The following MLLT10 variants were observed in gnomAD, a reference collection of about 807,000 sequenced individuals.
MLLT10 encodes the protein protein AF-10.
MLLT10 carries 30 observed loss-of-function variants against 129.1 expected under a neutral mutation model. That is an observed-to-expected ratio of 0.23 (90% CI 0.17 to 0.32). MLLT10 has a LOEUF of 0.32. MLLT10 is among the 10% of genes least tolerant of loss of function. The probability of loss-of-function intolerance (pLI) is 1.00; values close to 1 mark genes in which losing one functional copy is unlikely to be tolerated. For missense variants in MLLT10, 1,119 were observed against 1,268.3 expected (o/e 0.88, Z 1.79); for synonymous variants, 490 against 446.4 (o/e 1.10, Z -1.23).
intron 4 of MLLT10, among the ~76,000 whole-genome samples, chr10:21,594,713 T>C (rs1374765313): frequency 6.8e-6 from 1 of 147,628 alleles, no homozygotes; most frequent in Non-Finnish European, 1.5e-5. Flanking sequence ...ATCAGCTCTT[T>C]AATACCTTCA....
At chr10:21,642,447 A>G (rs2048101081) in intron 8 of MLLT10, among the ~76,000 whole-genome samples, 1 of 152,192 alleles carries the variant, frequency 6.6e-6, no homozygotes, top group East Asian at 1.9e-4. Flanking sequence ...ACCTGTGGTC[A>G]GGAGTTTAAG....
intron 3 of MLLT10, chr10:21,557,948 C>CTTTTTTTTTTTTTTTTTT (rs945740582): frequency 3.8e-5 from 4 of 104,456 alleles, no homozygotes; most frequent in African/African-American, 7.2e-5. Flanking sequence ...TTTTTTTTTT[C>CTTTTTTTTTTTTTTTTTT]TTTTTTTTTT....
chr10:21,668,847 A>G (rs17822823), intron 9 of MLLT10: 12,126 of 1,093,144 alleles, frequency 0.011, 87 homozygotes, highest in South Asian at 0.014. Context: ...TCTTTATTTG[A>G]TACATGAGCA....
rs185160709 is a variant in MLLT10 at position 21,655,424 on chromosome 10, A to C, written c.795+3656A>C. 2.5e-4 allele frequency among the ~76,000 whole-genome samples: 38 copies of C among 152,358 alleles called. No homozygotes were observed. In the East Asian group the frequency reaches 3.3e-3, roughly 13 times the overall value. On this transcript the variant is annotated intron_variant, in intron 9 of 22. Coordinates refer to ENST00000307729, the MANE Select transcript of MLLT10 (RefSeq NM_001195626.3). ...GAGTAGCCATAGACAATTTGTAAACAAGCGGATGTGGCAGTGTTCCAGCAA... is the reference window on the plus strand; with the variant it reads ...GAGTAGCCATAGACAATTTGTAAACCAGCGGATGTGGCAGTGTTCCAGCAA...
intron 5 of MLLT10, among the ~76,000 whole-genome samples, chr10:21,595,965 T>C (rs2042982293): frequency 6.6e-6 from 1 of 152,088 alleles, no homozygotes; most frequent in Non-Finnish European, 1.5e-5. Flanking sequence ...TATATATTAT[T>C]GTTTTATTCT....
intron 8 of MLLT10, among the ~76,000 whole-genome samples, chr10:21,623,079 C>T (rs1372220147): frequency 3.9e-5 from 6 of 152,118 alleles, no homozygotes; most frequent in African/African-American, 1.4e-4. Flanking sequence ...GCTTCCATGC[C>T]CTCTCCAGGT....
At chr10:21,668,974 TG>T in intron 9 of MLLT10, 1 of 1,357,712 alleles carries the variant, frequency 7.4e-7, no homozygotes, top group Non-Finnish European at 9.7e-7. Context: ...CTCAAGTAAT[TG>T]GAAAAAGTAT....
At chr10:21,652,020 C>A (rs1346658502) in intron 9 of MLLT10, among the ~76,000 whole-genome samples, 2 of 140,032 alleles carry the variant, frequency 1.4e-5, no homozygotes, top group African/African-American at 5.3e-5. Context: ...TCAAGTGATT[C>A]TTCTGCCTCA....
chr10:21,551,059 T>A (rs2036921950), intron 3 of MLLT10, among the ~76,000 whole-genome samples: 1 of 151,784 alleles, frequency 6.6e-6, no homozygotes, highest in Admixed American at 6.6e-5. Flanking sequence ...CCTGAGTAGC[T>A]GGGATTACAG....
chr10:21,707,956 G>T (rs891131774), intron 13 of MLLT10, among the ~76,000 whole-genome samples: 15 of 152,132 alleles, frequency 9.9e-5, no homozygotes, highest in Admixed American at 6.5e-5. Context: ...TTTTAGACAG[G>T]TCTTTCTTGC....
In MLLT10 at chr10:21,717,513, T is replaced by TCCG. The variant is rs1204073696; in HGVS notation, c.1878+3565_1878+3566insGCC. On this transcript the variant is annotated intron_variant, in intron 14 of 22. Coordinates refer to ENST00000307729, the MANE Select transcript of MLLT10 (RefSeq NM_001195626.3). ...CTCCTCCTCCTCCTCCTCCTCCTCC[T>TCCG]CCACCACCTCCTCCTCCTCCTCCTC... 8.7e-4 allele frequency among the ~76,000 whole-genome samples: 40 copies of TCCG among 46,022 alleles called. 1 individual carries two copies. Among genetic ancestry groups the TCCG allele is most frequent in the African/African-American group, 2.9e-3 (39 of 13,542 alleles). The allele number at this position is 46,022 out of a possible 152,430, so 30.2% of individuals were successfully genotyped here. A position where few individuals can be genotyped will look rare whatever the true frequency, so the allele number is the denominator to read the frequency against.
At chr10:21,588,566 T>A (rs1369192436) in intron 4 of MLLT10, among the ~76,000 whole-genome samples, 1 of 151,836 alleles carries the variant, frequency 6.6e-6, no homozygotes, top group Non-Finnish European at 1.5e-5. Context: ...GTCAAAGGAG[T>A]TTTGCCGTTA....
chr10:21,730,202 G>T (rs1249141777), intron 16 of MLLT10, among the ~76,000 whole-genome samples: 1 of 151,720 alleles, frequency 6.6e-6, no homozygotes, highest in Non-Finnish European at 1.5e-5. Context: ...GCTTGAGGTG[G>T]GAGGATTGCT....
intron 14 of MLLT10, among the ~76,000 whole-genome samples, chr10:21,717,519 A>ACCTCCTCCTCCTCCTCCT (rs1180960349): frequency 4.0e-5 from 3 of 75,284 alleles, no homozygotes; most frequent in East Asian, 4.3e-4. Context: ...CTCCTCCACC[A>ACCTCCTCCTCCTCCTCCT]CCTCCTCCTC....
chr10:21,534,197 C>G (rs2033329985), upstream of MLLT10: 18 of 393,840 alleles, frequency 4.6e-5, no homozygotes, highest in East Asian at 6.1e-4. Flanking sequence ...TAGCCTCGCC[C>G]AGGCCTCCTC....
Position 21,676,645 on chromosome 10 carries a change from C to T in MLLT10, c.1621+2726C>T, listed in dbSNP as rs12267289. ...CTGAGGCAGGAGAATCGCTTAAACC[C>T]GGGAGGCAGAGGTTGCAGTGAGCCG... On this transcript the variant is annotated intron_variant, in intron 11 of 22. Coordinates refer to ENST00000307729, the MANE Select transcript of MLLT10 (RefSeq NM_001195626.3). 4.3e-3 allele frequency among the ~76,000 whole-genome samples: 561 copies of T among 130,424 alleles called. 3 individuals carry two copies. The highest frequency in any genetic ancestry group is 0.038 in the Middle Eastern group (8 of 210). The allele number at this position is 130,424 out of a possible 152,430, so 85.6% of individuals were successfully genotyped here.
At chr10:21,634,804 T>C (rs1306485935) in intron 8 of MLLT10, among the ~76,000 whole-genome samples, 1 of 152,242 alleles carries the variant, frequency 6.6e-6, no homozygotes, top group South Asian at 2.1e-4. Flanking sequence ...ACGTAATTCC[T>C]GTTATTATTC....
chr10:21,672,604 C>T (rs975429291), intron 10 of MLLT10, among the ~76,000 whole-genome samples: 5 of 152,046 alleles, frequency 3.3e-5, no homozygotes, highest in Non-Finnish European at 4.4e-5. Context: ...TGCACCCAGC[C>T]TAAGTTTCTT....
intron 10 of MLLT10, 50 bp from the exon 11 acceptor site, chr10:21,673,300 G>GGGGGC: frequency 7.6e-6 from 5 of 655,064 alleles, no homozygotes; most frequent in Non-Finnish European, 8.6e-6. Context: ...CAATTTTTCT[G>GGGGGC]TCCCCCCCAC....
Sources: gnomAD v4.1 joint callset for allele counts (sites outside exome capture counted in the v4.1 genomes callset) on GRCh38, gnomAD v4.1.1 for gene constraint, MANE v1.5 for transcripts, NCBI Gene and HGNC (gene_info 2026-07-23, HGNC 2026-07-21) for gene names.